The following PREX1 variants were observed in gnomAD, a reference collection of about 807,000 sequenced individuals.
PREX1 encodes phosphatidylinositol 3,4,5-trisphosphate-dependent Rac exchanger 1 protein.
PREX1 carries 41 observed loss-of-function variants against 198.3 expected under a neutral mutation model. That is an observed-to-expected ratio of 0.21 (90% confidence interval 0.16 to 0.27). The LOEUF (loss-of-function observed/expected upper bound fraction) is 0.27, where lower values mean the gene tolerates loss of function less well. Among genes scored for constraint, PREX1 ranks in the 10% least tolerant of loss-of-function variants. PREX1 has a pLI of 1.00. For missense variants in PREX1, 1,620 were observed against 2,200.7 expected (o/e 0.74, Z 5.28); for synonymous variants, 843 against 887.2 (o/e 0.95, Z 0.89).
intron 21 of PREX1, among the ~76,000 whole-genome samples, chr20:48,652,201 G>A (rs1345186937): frequency 6.6e-6 from 1 of 152,186 alleles, no homozygotes; most frequent in East Asian, 1.9e-4. Context: ...CGAGGCCGAG[G>A]CAAGAAGATT....
At chr20:48,635,665 G>A (rs1457416986) in intron 32 of PREX1, among the ~76,000 whole-genome samples, 2 of 152,184 alleles carry the variant, frequency 1.3e-5, no homozygotes, top group African/African-American at 2.4e-5. Flanking sequence ...AGAAGCTGCA[G>A]TGCCCGCCAA....
At position 48,827,786 on chromosome 20, in the gene PREX1, A is replaced by C. The variant is rs999100162; in HGVS notation, c.75T>G (p.Pro25=). 1 of 1,123,914 alleles carries C rather than the reference A, an allele frequency of 8.9e-7. No individual in the cohort carries two copies. Among genetic ancestry groups the C allele is most frequent in the Non-Finnish European group, 1.1e-6 (1 of 912,292 alleles). The allele number at this position is 1,123,914 out of a possible 1,614,324, so 69.6% of individuals were successfully genotyped here. A position where few individuals can be genotyped will look rare whatever the true frequency, so the allele number is the denominator to read the frequency against. ...GGCCGGAGCTGGGCGCCGCGGCGCC[A>C]GGGGCCCGGGGGTCCGGGTGGGCGC... The part of the protein sequence containing the change: ...GDCAHPDPRA[P]GAAAPSSGPG... The change falls in exon 1 of 40, where the codon CCT becomes CCG. Residue 25 remains proline, a synonymous_variant. Transcript: ENST00000371941. The surrounding 1 kb of genome is among the most constrained non-coding windows in gnomAD (Gnocchi z 4.1).
chr20:48,689,649 A>T (rs1014578813), intron 9 of PREX1, among the ~76,000 whole-genome samples: 1 of 152,122 alleles, frequency 6.6e-6, no homozygotes, highest in Non-Finnish European at 1.5e-5. Flanking sequence ...ACATCCCTGA[A>T]CCCCATCCCA....
rs150030267 is a variant in PREX1 at position 48,782,181 on chromosome 20, G to A, written c.220-34301C>T. Among the ~76,000 whole-genome samples the A allele has an allele frequency of 3.2e-3, 486 of 152,304 alleles. 3 individuals carry two copies. Among genetic ancestry groups the A allele is most frequent in the Admixed American group, 7.1e-3 (108 of 15,304 alleles). On this transcript the variant is annotated intron_variant, in intron 1 of 39. Transcript: ENST00000371941. Reference sequence around the variant, plus strand: ...GCTGGGTCACTGATATTGTTTGGCTGTGTCCTCACTCAAATCTCATCTCGA... The same window carrying A: ...GCTGGGTCACTGATATTGTTTGGCTATGTCCTCACTCAAATCTCATCTCGA...
chr20:48,693,756 T>C (rs1051022109), intron 7 of PREX1, among the ~76,000 whole-genome samples: 19 of 151,534 alleles, frequency 1.3e-4, no homozygotes, highest in Admixed American at 5.9e-4. Flanking sequence ...TACAGGCATG[T>C]CTCACCACGC....
chr20:48,715,268 C>A (rs370758102), intron 5 of PREX1, among the ~76,000 whole-genome samples: 1 of 152,292 alleles, frequency 6.6e-6, no homozygotes, highest in Admixed American at 6.5e-5. Flanking sequence ...TCCAATGGGA[C>A]CAGTGCAAGA....
the PREX1 span, among the ~76,000 whole-genome samples, chr20:48,863,335 T>C: frequency 6.6e-6 from 1 of 152,176 alleles, no homozygotes; most frequent in African/African-American, 2.4e-5. Context: ...GTTGACTGTG[T>C]TATGCAGTCT....
rs576804258 is a variant in PREX1 at position 48,725,736 on chromosome 20, C to T, written c.621+554G>A. On this transcript the variant is annotated intron_variant, in intron 5 of 39. Transcript: ENST00000371941. ...ATTGGTTCAGGAGTGCAGCACCTGA[C>T]CCAGGTCTCAGCCAATCAGAACACA... 4.3e-4 allele frequency among the ~76,000 whole-genome samples: 65 copies of T among 152,296 alleles called. 1 individual carries two copies. The highest frequency in any genetic ancestry group is 4.1e-4 in the South Asian group (2 of 4,828).
At chr20:48,737,724 G>A (rs2090063462) in intron 3 of PREX1, among the ~76,000 whole-genome samples, 1 of 152,210 alleles carries the variant, frequency 6.6e-6, no homozygotes, top group South Asian at 2.1e-4. Flanking sequence ...GAATCACTGG[G>A]AAGAGAAACT....
In PREX1 at chr20:48,734,753, C is replaced by T. The variant is rs190245038; in HGVS notation, c.415-103G>A. On this transcript the variant is annotated intron_variant, in intron 3 of 39. Transcript: ENST00000371941. ...CTGGTAGGGTAGGGGTAAGGACTAC[C>T]CTGACCCAGGAGAAGCTACAGCAGG... The T allele has an allele frequency of 6.8e-4, 644 of 943,602 alleles. 7 individuals are homozygous for T. In the Admixed American group the frequency reaches 0.012, roughly 18 times the overall value. The allele number at this position is 943,602 out of a possible 1,614,324, so 58.5% of individuals were successfully genotyped here.
intron 1 of PREX1, among the ~76,000 whole-genome samples, chr20:48,765,325 T>TAA (rs1365050086): frequency 1.3e-5 from 2 of 152,236 alleles, no homozygotes; most frequent in Non-Finnish European, 2.9e-5. Context: ...GATGGTCTAA[T>TAA]AACAGTAATT....
intron 1 of PREX1, among the ~76,000 whole-genome samples, chr20:48,794,816 T>G (rs1235374874): frequency 3.9e-5 from 6 of 152,196 alleles, no homozygotes; most frequent in African/African-American, 1.4e-4. Flanking sequence ...GAGTGCTTGC[T>G]GGGTACCAGA....
In PREX1 at chr20:48,679,713, G is replaced by C; in HGVS notation, c.1477C>G (p.Arg493Gly). Residue 493 changes from arginine (R) to glycine (G), a missense_variant, in exon 12 of 40, where the codon CGC becomes GGC. Transcript: ENST00000371941. ...HQFKNEQVMY[R>G]FRYDDGTYKA... ...TAGGTGCCATCGTCGTAGCGGAAGCGATACATCACCTGCTCATTCTTGAAC... is the reference window on the plus strand; with the variant it reads ...TAGGTGCCATCGTCGTAGCGGAAGCCATACATCACCTGCTCATTCTTGAAC... 1 of 1,613,828 alleles carries C rather than the reference G, an allele frequency of 6.2e-7. No individual in the cohort carries two copies. Among genetic ancestry groups the C allele is most frequent in the Non-Finnish European group, 8.5e-7 (1 of 1,179,720 alleles).
At chr20:48,653,137 C>A (rs192231139) in intron 20 of PREX1, among the ~76,000 whole-genome samples, 15 of 152,240 alleles carry the variant, frequency 9.9e-5, no homozygotes, top group East Asian at 7.7e-4. Flanking sequence ...CATTTCACAG[C>A]TGTGAAAACC....
chr20:48,729,419 C>T (rs1255086196), intron 4 of PREX1, among the ~76,000 whole-genome samples: 1 of 152,048 alleles, frequency 6.6e-6, no homozygotes, highest in Non-Finnish European at 1.5e-5. Context: ...ATTGAAAACA[C>T]TCAGGTTTAT....
chr20:48,755,469 T>C (rs1358972956), intron 1 of PREX1, among the ~76,000 whole-genome samples: 1 of 152,222 alleles, frequency 6.6e-6, no homozygotes, highest in Non-Finnish European at 1.5e-5. Flanking sequence ...ACAGCATACA[T>C]GGCATATTAT....
chr20:48,760,051 G>T (rs995838388), intron 1 of PREX1, among the ~76,000 whole-genome samples: 1 of 151,556 alleles, frequency 6.6e-6, no homozygotes. Flanking sequence ...GGCAGAGGTT[G>T]CAGTGAGCCA....
chr20:48,742,595 A>C (rs2090087187), intron 3 of PREX1, among the ~76,000 whole-genome samples: 2 of 152,086 alleles, frequency 1.3e-5, no homozygotes, highest in Non-Finnish European at 2.9e-5. Flanking sequence ...CACCCTCCAC[A>C]CGTCATGACT....
At chr20:48,721,962 T>C (rs530172663) in intron 5 of PREX1, among the ~76,000 whole-genome samples, 19 of 133,896 alleles carry the variant, frequency 1.4e-4, no homozygotes, top group South Asian at 1.2e-3. Flanking sequence ...GAGCTGGGGA[T>C]GGAGGGGGTG....
Sources: allele counts gnomAD v4.1 joint callset (sites outside exome capture counted in the v4.1 genomes callset), GRCh38; gene constraint gnomAD v4.1.1; non-coding constraint Gnocchi (gnomAD v3.1); transcripts MANE v1.5; gene names NCBI Gene and HGNC (gene_info 2026-07-23, HGNC 2026-07-21).